Variants in RPH3A observed in about 807,000 individuals in gnomAD.
RPH3A encodes rabphilin 3A, also known as rabphilin-3A.
RPH3A carries 48 observed loss-of-function variants against 102.2 expected under a neutral mutation model. The observed-to-expected ratio is 0.47, with a 90% CI of 0.37 to 0.60. The LOEUF is 0.60. RPH3A is among the 20% of genes least tolerant of loss of function. The probability of loss-of-function intolerance (pLI) is 0.00; values close to 1 mark genes in which losing one functional copy is unlikely to be tolerated. For synonymous variants in RPH3A, 310 were observed against 324.3 expected (o/e 0.96, Z 0.47); for missense variants, 781 against 910.1 (o/e 0.86, Z 1.83).
chr12:112,704,223 G>A (rs1468479349), intron 1 of RPH3A, among the ~76,000 whole-genome samples: 2 of 151,962 alleles, frequency 1.3e-5, no homozygotes, highest in Non-Finnish European at 1.5e-5. Flanking sequence ...TGAGTACCTG[G>A]GACTACAGGC....
intron 1 of RPH3A, among the ~76,000 whole-genome samples, chr12:112,732,502 C>T (rs10400572): frequency 3.7e-4 from 56 of 152,308 alleles, no homozygotes; most frequent in African/African-American, 1.2e-3. Context: ...CCCTCATTAA[C>T]GCACGCTAGG....
chr12:112,689,043 T>G (rs181647388), intron 1 of RPH3A, among the ~76,000 whole-genome samples: 39 of 152,350 alleles, frequency 2.6e-4, no homozygotes, highest in African/African-American at 8.4e-4. Flanking sequence ...CTTTTTCTCA[T>G]GCAATTTTAA....
intron 1 of RPH3A, among the ~76,000 whole-genome samples, chr12:112,614,600 A>C (rs1409684114): frequency 6.7e-6 from 1 of 148,624 alleles, no homozygotes; most frequent in East Asian, 2.0e-4. Context: ...AGGTGAGAGA[A>C]TCTCCTGAGC....
intron 3 of RPH3A, among the ~76,000 whole-genome samples, chr12:112,830,794 G>C (rs1374455296): frequency 2.0e-5 from 3 of 148,042 alleles, no homozygotes; most frequent in Non-Finnish European, 4.5e-5. Flanking sequence ...GCTTTCTTTA[G>C]TTTTTTTTTT....
intron 1 of RPH3A, among the ~76,000 whole-genome samples, chr12:112,614,688 C>CAAAAA (rs35810360): frequency 7.7e-4 from 21 of 27,150 alleles, no homozygotes; most frequent in African/African-American, 1.5e-3. Context: ...GACCCTGCCT[C>CAAAAA]AAAAAAAAAA....
intron 1 of RPH3A, among the ~76,000 whole-genome samples, chr12:112,650,217 C>G (rs758992165): frequency 1.3e-5 from 2 of 152,204 alleles, no homozygotes; most frequent in African/African-American, 2.4e-5. Flanking sequence ...ATTACCTCAT[C>G]TCTAATTTTA....
intron 1 of RPH3A, among the ~76,000 whole-genome samples, chr12:112,712,283 G>A (rs1343931678): frequency 6.6e-6 from 1 of 152,150 alleles, no homozygotes; most frequent in Non-Finnish European, 1.5e-5. Context: ...TTATTCATAA[G>A]TAAGATTTAT....
intron 1 of RPH3A, among the ~76,000 whole-genome samples, chr12:112,695,823 C>T (rs1480140547): frequency 1.3e-5 from 2 of 151,960 alleles, no homozygotes; most frequent in Non-Finnish European, 2.9e-5. Context: ...GTTTTTTTTG[C>T]TACTAGTTAT....
At chr12:112,645,310 C>T (rs904532301) in intron 1 of RPH3A, among the ~76,000 whole-genome samples, 1 of 152,088 alleles carries the variant, frequency 6.6e-6, no homozygotes, top group Non-Finnish European at 1.5e-5. Context: ...GAAGTTAGTA[C>T]ACTTGGTCTC....
chr12:112,577,672 C>A (rs778647476), intron 1 of RPH3A, among the ~76,000 whole-genome samples: 21 of 151,848 alleles, frequency 1.4e-4, no homozygotes, highest in Non-Finnish European at 2.9e-4. Flanking sequence ...TGGAGTTGCT[C>A]TGGTTCAAAT....
intron 4 of RPH3A, among the ~76,000 whole-genome samples, chr12:112,839,061 C>T (rs1303556794): frequency 6.8e-6 from 1 of 147,580 alleles, no homozygotes; most frequent in African/African-American, 2.5e-5. Flanking sequence ...CCTTGTGAGT[C>T]TCAGGCATCT....
chr12:112,654,517 T>A (rs1440354184), intron 1 of RPH3A, among the ~76,000 whole-genome samples: 2 of 152,174 alleles, frequency 1.3e-5, no homozygotes, highest in African/African-American at 4.8e-5. Flanking sequence ...GGGTTAAAGT[T>A]GTTTGCCGTC....
At chr12:112,664,847 T>A (rs1028345998) in intron 1 of RPH3A, among the ~76,000 whole-genome samples, 1 of 151,944 alleles carries the variant, frequency 6.6e-6, no homozygotes, top group Non-Finnish European at 1.5e-5. Context: ...TATGTTTTTC[T>A]GTTTCAGAGA....
At chr12:112,733,512 C>T (rs1217070403) in intron 1 of RPH3A, among the ~76,000 whole-genome samples, 1 of 152,006 alleles carries the variant, frequency 6.6e-6, no homozygotes, top group Non-Finnish European at 1.5e-5. Flanking sequence ...AAGTGTTGGC[C>T]CACCCAACAG....
intron 1 of RPH3A, among the ~76,000 whole-genome samples, chr12:112,713,046 CTTCTCCTT>C (rs1565857436): frequency 1.2e-4 from 9 of 73,922 alleles, no homozygotes; most frequent in Non-Finnish European, 1.7e-4. Context: ...TCTTCTTCTT[CTTCTCCTT>C]CTTCTTCTTC....
intron 3 of RPH3A, among the ~76,000 whole-genome samples, chr12:112,836,043 C>T (rs1283520431): frequency 6.6e-6 from 1 of 152,286 alleles, no homozygotes; most frequent in Non-Finnish European, 1.5e-5. Flanking sequence ...AGATGCTGGT[C>T]TCCGGTCTAG....
intron 1 of RPH3A, among the ~76,000 whole-genome samples, chr12:112,753,109 G>A (rs2040796682): frequency 6.6e-6 from 1 of 151,634 alleles, no homozygotes; most frequent in Non-Finnish European, 1.5e-5. Context: ...TGTTTCTCGT[G>A]GAATGTTCAA....
In RPH3A at chr12:112,707,688, A is replaced by G. The variant is rs544397578; in HGVS notation, c.-139-84455A>G. On this transcript the variant is annotated intron_variant, in intron 1 of 21. Transcript: ENST00000543106. ...ATCATTGGGTATTTGCCATCCCAGA[A>G]TGTGACTAGGCCTTTGGGGACATTT... 2.0e-5 allele frequency among the ~76,000 whole-genome samples: 3 copies of G among 152,374 alleles called. No individual in the cohort carries two copies. In the South Asian group the frequency reaches 6.2e-4, roughly 32 times the overall value.
intron 1 of RPH3A, among the ~76,000 whole-genome samples, chr12:112,763,342 C>A (rs947615906): frequency 6.6e-6 from 1 of 152,204 alleles, no homozygotes; most frequent in Non-Finnish European, 1.5e-5. Flanking sequence ...CATGACACAG[C>A]CCTCAGGAGA....
Sources: allele counts gnomAD v4.1 joint callset (sites outside exome capture counted in the v4.1 genomes callset), GRCh38; gene constraint gnomAD v4.1.1; transcripts MANE v1.5; gene names NCBI Gene and HGNC (gene_info 2026-07-23, HGNC 2026-07-21).